The following TDRD5 variants were observed in gnomAD, a reference collection of about 807,000 sequenced individuals.
The protein encoded by TDRD5 is tudor domain-containing protein 5.
In TDRD5, 41 loss-of-function variants were observed where a neutral mutation model predicts 120.6. The observed-to-expected ratio is 0.34, with a 90% CI of 0.26 to 0.44. The LOEUF (loss-of-function observed/expected upper bound fraction) is 0.44, where lower values mean the gene tolerates loss of function less well. TDRD5 is among the 20% of genes least tolerant of loss of function. The pLI, the probability that TDRD5 is intolerant of heterozygous loss-of-function variation, is 1.00. For synonymous variants in TDRD5, 430 were observed against 433.7 expected (o/e 0.99, Z 0.11); for missense variants, 1,006 against 1,221.2 (o/e 0.82, Z 2.63).
At chr1:179,679,383 T>C (rs573281230) in intron 17 of TDRD5, among the ~76,000 whole-genome samples, 7 of 152,282 alleles carry the variant, frequency 4.6e-5, no homozygotes, top group Non-Finnish European at 8.8e-5. Flanking sequence ...TGTCATAAAA[T>C]AAGTTGGGAA....
rs376731362 is a variant in TDRD5, at chr1:179,593,834, G to A, written c.607G>A (p.Val203Ile). 6.2e-7 allele frequency: 1 copy of A among 1,613,788 alleles called. No individual in the cohort carries two copies. Among genetic ancestry groups the A allele is most frequent in the Non-Finnish European group, 8.5e-7 (1 of 1,179,792 alleles). Residue 203 changes from valine (V) to isoleucine (I), a missense_variant, in exon 3 of 18, where the codon GTA becomes ATA. Val to Ile is a conservative substitution (Grantham distance 29, BLOSUM62 3). Transcript: ENST00000444136. ...AGSLLMLKKSVTEEKPRGCPA... is the reference protein window; with the variant it reads ...AGSLLMLKKSITEEKPRGCPA... ...TTCTTTGTTGATGCTAAAGAAGAGT[G>A]TAACAGAGGAAAAGCCGAGAGGATG...
At chr1:179,615,030 C>T (rs1350831382) in intron 4 of TDRD5, among the ~76,000 whole-genome samples, 2 of 152,124 alleles carry the variant, frequency 1.3e-5, no homozygotes, top group Non-Finnish European at 2.9e-5. Flanking sequence ...CTTCTCAATC[C>T]TCCCACCCCT....
intron 4 of TDRD5, among the ~76,000 whole-genome samples, chr1:179,608,321 A>T (rs2101937654): frequency 6.6e-6 from 1 of 152,002 alleles, no homozygotes; most frequent in Middle Eastern, 3.4e-3. Context: ...AGCTTCTTGT[A>T]TGTGGGTTTA....
At position 179,673,737 on chromosome 1, in the gene TDRD5, T is replaced by G. The variant is rs1335607511; in HGVS notation, c.2860+4333T>G. On this transcript the variant is annotated intron_variant, in intron 17 of 17. Transcript: ENST00000444136. ...TATCTCAGTGGGCAGAGGAGTGACT[T>G]TGAGTAGAATGGGAGGCAGGTTTGC... 2.0e-5 allele frequency among the ~76,000 whole-genome samples: 3 copies of G among 148,668 alleles called. No individual in the cohort carries two copies. The Admixed American group carries it at 2.1e-4, about 10-fold the overall frequency.
chr1:179,616,566 G>A (rs1398427440), intron 4 of TDRD5, among the ~76,000 whole-genome samples: 1 of 152,074 alleles, frequency 6.6e-6, no homozygotes, highest in African/African-American at 2.4e-5. Flanking sequence ...CAGTATCTCT[G>A]TTTTTGCTTG....
chr1:179,598,049 C>G (rs1267046689), intron 4 of TDRD5, among the ~76,000 whole-genome samples: 2 of 152,080 alleles, frequency 1.3e-5, no homozygotes, highest in African/African-American at 4.8e-5. Flanking sequence ...GTTACATAAA[C>G]CTAGGTGGTA....
chr1:179,599,051 C>T (rs2101913748), intron 4 of TDRD5, among the ~76,000 whole-genome samples: 1 of 152,116 alleles, frequency 6.6e-6, no homozygotes, highest in Admixed American at 6.5e-5. Flanking sequence ...TTCCTAGTTT[C>T]TCAGAATTTT....
intron 7 of TDRD5, among the ~76,000 whole-genome samples, chr1:179,631,943 G>A (rs112524358): frequency 1.7e-4 from 22 of 132,820 alleles, no homozygotes; most frequent in African/African-American, 5.7e-4. Flanking sequence ...TTCTTACGCT[G>A]TCCCCCAGGC....
At chr1:179,631,317 G>A (rs145343488) in intron 7 of TDRD5, among the ~76,000 whole-genome samples, 2 of 152,252 alleles carry the variant, frequency 1.3e-5, no homozygotes, top group African/African-American at 2.4e-5. Context: ...GCATGAACCC[G>A]GGAGGCGGAG....
intron 4 of TDRD5, among the ~76,000 whole-genome samples, chr1:179,610,928 T>C (rs1676241212): frequency 1.3e-5 from 2 of 152,186 alleles, no homozygotes; most frequent in South Asian, 2.1e-4. Context: ...TTAAGTGTAT[T>C]CATTCATTGA....
At chr1:179,663,156 A>G (rs1679396943) in intron 15 of TDRD5, among the ~76,000 whole-genome samples, 192 bp from the exon 16 acceptor site, 1 of 152,228 alleles carries the variant, frequency 6.6e-6, no homozygotes, top group East Asian at 1.9e-4. Context: ...TTTGAGATCC[A>G]TGTGTTCAGA....
Position 179,639,896 on chromosome 1 carries a change from T to C in TDRD5, c.1578T>C (p.Ile526=), listed in dbSNP as rs777070134. ...GATATGTCATGCCAGAATGTTTTAT[T>C]CAGCCGGGACATCTCTGTTGTGTAA... is the stretch of plus-strand genomic sequence containing the variant. The part of the protein sequence containing the change: ...SDRYVMPECF[I]QPGHLCCVRI... Residue 526 remains isoleucine (I), a synonymous_variant, in exon 10 of 18, where the codon ATT becomes ATC. Transcript: ENST00000444136. 6.2e-7 allele frequency: 1 copy of C among 1,614,166 alleles called. No individual in the cohort carries two copies. Among genetic ancestry groups the C allele is most frequent in the East Asian group, 2.2e-5 (1 of 44,874 alleles).
chr1:179,672,243 C>T (rs1428241727), intron 17 of TDRD5, among the ~76,000 whole-genome samples: 1 of 152,062 alleles, frequency 6.6e-6, no homozygotes, highest in Non-Finnish European at 1.5e-5. Context: ...AGCATAAAAG[C>T]ATTCCCTTTC....
At chr1:179,675,273 A>ATTATTATTTTTT (rs1444171268) in intron 17 of TDRD5, among the ~76,000 whole-genome samples, 1 of 66,624 alleles carries the variant, frequency 1.5e-5, no homozygotes, top group Non-Finnish European at 3.0e-5. Flanking sequence ...TATTATTATT[A>ATTATTATTTTTT]TTTTTTTTTT....
intron 4 of TDRD5, among the ~76,000 whole-genome samples, chr1:179,611,008 A>G (rs1676247460): frequency 1.3e-5 from 2 of 150,888 alleles, no homozygotes; most frequent in East Asian, 3.9e-4. Context: ...AGTTTTCTTT[A>G]TTAGAGTTTG....
intron 7 of TDRD5, among the ~76,000 whole-genome samples, chr1:179,634,114 T>C (rs1049616569): frequency 2.0e-5 from 3 of 149,854 alleles, no homozygotes; most frequent in African/African-American, 7.4e-5. Context: ...GAACTTGCAG[T>C]GAGCCGAGAT....
intron 17 of TDRD5, among the ~76,000 whole-genome samples, chr1:179,690,415 C>A (rs1379341818): frequency 6.6e-6 from 1 of 152,162 alleles, no homozygotes; most frequent in South Asian, 2.1e-4. Flanking sequence ...TTATGACATT[C>A]CTAGAAATAA....
intron 9 of TDRD5, among the ~76,000 whole-genome samples, chr1:179,639,091 C>T (rs1437684618): frequency 6.6e-6 from 1 of 152,120 alleles, no homozygotes; most frequent in African/African-American, 2.4e-5. Context: ...AACAATTGAT[C>T]AGTAGTGTGG....
At chr1:179,621,441 C>G (rs1040277171) in intron 6 of TDRD5, among the ~76,000 whole-genome samples, 1 of 151,996 alleles carries the variant, frequency 6.6e-6, no homozygotes, top group African/African-American at 2.4e-5. Flanking sequence ...TTGGCATTAT[C>G]AAGTAAAGTT....
Sources: allele counts gnomAD v4.1 joint callset (sites outside exome capture counted in the v4.1 genomes callset), GRCh38; gene constraint gnomAD v4.1.1; transcripts MANE v1.5; gene names NCBI Gene and HGNC (gene_info 2026-07-23, HGNC 2026-07-21).